The following GRXCR1 variants were observed in gnomAD, a reference collection of about 807,000 sequenced individuals.
The protein encoded by GRXCR1 is glutaredoxin and cysteine rich domain containing 1, also known as glutaredoxin domain-containing cysteine-rich protein 1.
A neutral mutation model predicts 27.3 loss-of-function variants in GRXCR1; 27 were observed. The observed-to-expected ratio is 0.99, with a 90% CI of 0.73 to 1.37. GRXCR1 has a LOEUF of 1.37. GRXCR1 is among the 40% of genes most tolerant of loss of function. The pLI is 0.00. For synonymous variants in GRXCR1, 122 were observed against 131.1 expected (o/e 0.93, Z 0.47); for missense variants, 379 against 354.4 (o/e 1.07, Z -0.56).
intron 1 of GRXCR1, among the ~76,000 whole-genome samples, chr4:42,910,435 C>CTCATT (rs1476407801): frequency 6.6e-6 from 1 of 152,146 alleles, no homozygotes; most frequent in African/African-American, 2.4e-5. Context: ...TGGACTTTCT[C>CTCATT]TCATTTTTCT....
At chr4:42,951,890 G>A (rs1463302906) in intron 1 of GRXCR1, among the ~76,000 whole-genome samples, 1 of 152,160 alleles carries the variant, frequency 6.6e-6, no homozygotes, top group Admixed American at 6.5e-5. Flanking sequence ...TGGTGTGGAA[G>A]ATTTATTGGG....
At chr4:43,021,794 C>T (rs953264540) in intron 3 of GRXCR1, among the ~76,000 whole-genome samples, 2 of 152,200 alleles carry the variant, frequency 1.3e-5, no homozygotes, top group East Asian at 1.9e-4. Flanking sequence ...AAAAGCCATG[C>T]GATACATACA....
At chr4:42,898,347 T>C (rs1746395108) in intron 1 of GRXCR1, among the ~76,000 whole-genome samples, 1 of 152,050 alleles carries the variant, frequency 6.6e-6, no homozygotes, top group Admixed American at 6.6e-5. Flanking sequence ...TTCTATAACA[T>C]CGTTTGATTA....
intron 2 of GRXCR1, among the ~76,000 whole-genome samples, chr4:42,972,988 A>G (rs1401591338): frequency 6.6e-6 from 1 of 151,950 alleles, no homozygotes; most frequent in Non-Finnish European, 1.5e-5. Context: ...TTGTTCCCCT[A>G]TTGAACTTTC....
chr4:43,012,392 C>T (rs1258750623), intron 2 of GRXCR1, among the ~76,000 whole-genome samples: 2 of 152,040 alleles, frequency 1.3e-5, no homozygotes, highest in African/African-American at 4.8e-5. Flanking sequence ...TACTCCATTC[C>T]CCTTGTTTTT....
intron 1 of GRXCR1, among the ~76,000 whole-genome samples, chr4:42,940,093 C>A (rs1035516816): frequency 6.6e-6 from 1 of 151,954 alleles, no homozygotes; most frequent in Non-Finnish European, 1.5e-5. Context: ...GCTCCTCTGC[C>A]TGCCAGAGCC....
chr4:43,009,524 T>G (rs1001001770), intron 2 of GRXCR1, among the ~76,000 whole-genome samples: 1 of 152,134 alleles, frequency 6.6e-6, no homozygotes, highest in African/African-American at 2.4e-5. Flanking sequence ...CATAAACTGG[T>G]TGGCTTACAA....
chr4:42,894,715 A>G (rs1746310688), intron 1 of GRXCR1, among the ~76,000 whole-genome samples: 1 of 152,088 alleles, frequency 6.6e-6, no homozygotes, highest in African/African-American at 2.4e-5. Flanking sequence ...ATATATGGCA[A>G]TTACCGGTAA....
chr4:42,966,068 T>C (rs1203860155), intron 2 of GRXCR1, among the ~76,000 whole-genome samples: 1 of 152,032 alleles, frequency 6.6e-6, no homozygotes, highest in Middle Eastern at 3.4e-3. Context: ...CTTTAGAAGG[T>C]AAATCTGCAC....
chr4:42,898,704 T>A (rs1028849796), intron 1 of GRXCR1, among the ~76,000 whole-genome samples: 2 of 152,116 alleles, frequency 1.3e-5, no homozygotes, highest in Non-Finnish European at 2.9e-5. Flanking sequence ...TATATTACTA[T>A]TAATCAATTA....
At chr4:42,930,974 A>G (rs1023674349) in intron 1 of GRXCR1, among the ~76,000 whole-genome samples, 21 of 152,022 alleles carry the variant, frequency 1.4e-4, no homozygotes, top group Admixed American at 1.2e-3. Context: ...GATTAGTAAC[A>G]ACAGTTATAT....
intron 2 of GRXCR1, among the ~76,000 whole-genome samples, chr4:43,000,951 G>A (rs149400502): frequency 1.2e-3 from 180 of 151,922 alleles, no homozygotes; most frequent in African/African-American, 4.2e-3. Flanking sequence ...TCTTGAGAAG[G>A]CGCCTCACTC....
At chr4:42,970,233 C>G (rs1748353892) in intron 2 of GRXCR1, among the ~76,000 whole-genome samples, 1 of 152,130 alleles carries the variant, frequency 6.6e-6, no homozygotes, top group African/African-American at 2.4e-5. Flanking sequence ...TTTCCAGACA[C>G]ATGGTACAAG....
intron 1 of GRXCR1, among the ~76,000 whole-genome samples, chr4:42,934,705 C>T (rs1257790834): frequency 6.6e-6 from 1 of 151,810 alleles, no homozygotes; most frequent in African/African-American, 2.4e-5. Context: ...TGTATTAAAC[C>T]TGCTCTGTGA....
intron 1 of GRXCR1, among the ~76,000 whole-genome samples, chr4:42,946,691 C>T (rs1451857739): frequency 6.6e-6 from 1 of 152,134 alleles, no homozygotes; most frequent in Non-Finnish European, 1.5e-5. Flanking sequence ...ACCCAGTTCC[C>T]TCTGGCCTCT....
At position 42,893,164 on chromosome 4, in the gene GRXCR1, G is replaced by A. The variant is rs1389741130; in HGVS notation, c.-103G>A. 7.3e-6 allele frequency: 9 copies of A among 1,235,946 alleles called. No homozygotes were observed. In the African/African-American group the frequency reaches 7.4e-5, roughly 10 times the overall value. The allele number at this position is 1,235,946 out of a possible 1,614,324, so 76.6% of individuals were successfully genotyped here. On this transcript the variant is annotated 5_prime_UTR_variant, in exon 1 of 4. Transcript: ENST00000399770. ...TTGATGTTAGTTTCACAGGAGTGCT[G>A]CCATCACTAGAATTGGCTCTGATAT...
At chr4:42,996,303 C>G (rs1019581142) in intron 2 of GRXCR1, among the ~76,000 whole-genome samples, 3 of 152,084 alleles carry the variant, frequency 2.0e-5, no homozygotes, top group Admixed American at 2.0e-4. Flanking sequence ...TCTGCTGTGG[C>G]TAATACCGTC....
intron 1 of GRXCR1, among the ~76,000 whole-genome samples, chr4:42,929,687 C>CA (rs1215000672): frequency 1.3e-5 from 2 of 151,818 alleles, no homozygotes; most frequent in Non-Finnish European, 2.9e-5. Context: ...CTGAGCCTCT[C>CA]AAAATGGGTC....
Position 42,962,787 on chromosome 4 carries a change from T to C in GRXCR1, c.385-105T>C, listed in dbSNP as rs1190714158. On this transcript the variant is annotated intron_variant, in intron 1 of 3. Coordinates refer to ENST00000399770, the MANE Select transcript of GRXCR1 (RefSeq NM_001080476.3). ...GTCTTTGAATTGACAAATGTGTTCATTCAATTTTATTGCATGGCTTTAACG... is the reference window on the plus strand; with the variant it reads ...GTCTTTGAATTGACAAATGTGTTCACTCAATTTTATTGCATGGCTTTAACG... 5 of 1,278,736 alleles carry C rather than the reference T, an allele frequency of 3.9e-6. No homozygotes were observed. The Admixed American group carries it at 6.8e-5, about 17-fold the overall frequency. The allele number at this position is 1,278,736 out of a possible 1,614,324, so 79.2% of individuals were successfully genotyped here. A position where few individuals can be genotyped will look rare whatever the true frequency, so the allele number is the denominator to read the frequency against.
Sources: gnomAD v4.1 joint callset for allele counts (sites outside exome capture counted in the v4.1 genomes callset) on GRCh38, gnomAD v4.1.1 for gene constraint, MANE v1.5 for transcripts, NCBI Gene and HGNC (gene_info 2026-07-23, HGNC 2026-07-21) for gene names.